Variants in ARFGEF1 observed in about 807,000 individuals in gnomAD.
ARFGEF1 encodes the protein ARF guanine nucleotide exchange factor 1, also known as brefeldin A-inhibited guanine nucleotide-exchange protein 1.
Under a neutral mutation model 231.0 loss-of-function variants are expected in ARFGEF1, and 42 were observed. That is an observed-to-expected ratio of 0.18 (90% CI 0.14 to 0.24). ARFGEF1 has a LOEUF of 0.24. Ranked by LOEUF, ARFGEF1 falls within the 10% of genes least tolerant of loss-of-function variation. The probability of loss-of-function intolerance (pLI) is 1.00; values close to 1 mark genes in which losing one functional copy is unlikely to be tolerated. For synonymous variants in ARFGEF1, 710 were observed against 732.3 expected (o/e 0.97, Z 0.49); for missense variants, 1,345 against 2,192.0 (o/e 0.61, Z 7.72).
chr8:67,337,045 C>T (rs977548277), intron 1 of ARFGEF1, among the ~76,000 whole-genome samples: 5 of 140,114 alleles, frequency 3.6e-5, no homozygotes, highest in Non-Finnish European at 1.5e-5. Context: ...AGGAGAATGG[C>T]GTGAACTCGG....
rs575798309 is a variant in ARFGEF1 at position 67,337,982 on chromosome 8, T to C, written c.124+5182A>G. 2.6e-5 allele frequency among the ~76,000 whole-genome samples: 4 copies of C among 152,334 alleles called. No homozygotes were observed. The South Asian group carries it at 8.3e-4, about 32-fold the overall frequency. Reference sequence around the variant, plus strand: ...CGGAATGGCAACAATAACTTACTCATGTATTTTTCCTTTTCAAATATCTTC... The same window carrying C: ...CGGAATGGCAACAATAACTTACTCACGTATTTTTCCTTTTCAAATATCTTC... On this transcript the variant is annotated intron_variant, in intron 1 of 38. Coordinates refer to ENST00000262215, the MANE Select transcript of ARFGEF1 (RefSeq NM_006421.5).
At chr8:67,175,470 C>G (rs751340189), downstream of ARFGEF1, 10 of 1,612,702 alleles carry the variant, frequency 6.2e-6, no homozygotes, top group South Asian at 9.9e-5. Flanking sequence ...CAAATAGTAT[C>G]AGCACGCTGT....
In ARFGEF1 at chr8:67,235,766, G is replaced by A. The variant is rs150132987; in HGVS notation, c.3289+2577C>T. On this transcript the variant is annotated intron_variant, in intron 22 of 38. Transcript: ENST00000262215. Reference sequence around the variant, plus strand: ...TGCAGTGACCTATGACCATGCCACTGCACTCCAGCCTCAACAACAGAGTGA... The same window carrying A: ...TGCAGTGACCTATGACCATGCCACTACACTCCAGCCTCAACAACAGAGTGA... 9.5e-4 allele frequency among the ~76,000 whole-genome samples: 144 copies of A among 152,162 alleles called. 3 individuals are homozygous for A. The East Asian group carries it at 0.014, about 15-fold the overall frequency.
chr8:67,179,867 G>T (rs1037426738), intron 5 of ARFGEF1: 8 of 1,593,222 alleles, frequency 5.0e-6, no homozygotes, highest in Non-Finnish European at 6.9e-6. Flanking sequence ...TTTTAGCCCA[G>T]AGATGACACT....
chr8:67,179,722 T>G, intron 5 of ARFGEF1: 1 of 589,384 alleles, frequency 1.7e-6, no homozygotes, highest in Non-Finnish European at 3.0e-6. Context: ...TTCTGAGCAT[T>G]GGAATGTAGT....
intron 1 of ARFGEF1, among the ~76,000 whole-genome samples, chr8:67,304,616 C>T (rs1459071126): frequency 6.6e-6 from 1 of 152,204 alleles, no homozygotes; most frequent in African/African-American, 2.4e-5. Context: ...CACTTGAGGT[C>T]AGGAATTTGA....
At chr8:67,260,106 T>A (rs1423641156) in intron 14 of ARFGEF1, among the ~76,000 whole-genome samples, 180 bp from the exon 15 acceptor site, 16 of 152,236 alleles carry the variant, frequency 1.1e-4, no homozygotes. Context: ...CTTTTCTTTT[T>A]AGAAATAAGT....
chr8:67,238,529 T>C (rs372891114), intron 21 of ARFGEF1, 36 bp from the exon 22 acceptor site: 36 of 1,569,382 alleles, frequency 2.3e-5, no homozygotes, highest in Non-Finnish European at 3.0e-5. Flanking sequence ...TTAAATTCCA[T>C]GTTAAAAATA....
intron 1 of ARFGEF1, among the ~76,000 whole-genome samples, chr8:67,321,569 T>C (rs1587315139): frequency 6.6e-6 from 1 of 152,156 alleles, no homozygotes; most frequent in South Asian, 2.1e-4. Context: ...CACGCTATTC[T>C]CCTGCCTCAG....
chr8:67,329,038 C>T (rs1807971957), intron 1 of ARFGEF1, among the ~76,000 whole-genome samples: 1 of 152,012 alleles, frequency 6.6e-6, no homozygotes, highest in Non-Finnish European at 1.5e-5. Context: ...CCAGCCTGGC[C>T]AACATGGTGA....
intron 5 of ARFGEF1, among the ~76,000 whole-genome samples, chr8:67,182,587 A>C (rs1833328978): frequency 6.6e-6 from 1 of 152,196 alleles, no homozygotes; most frequent in Non-Finnish European, 1.5e-5. Flanking sequence ...CAGCTGTACC[A>C]TTTTACATTC....
chr8:67,318,101 G>A (rs1053715115), intron 1 of ARFGEF1, among the ~76,000 whole-genome samples: 2 of 151,632 alleles, frequency 1.3e-5, no homozygotes, highest in African/African-American at 4.8e-5. Context: ...GCTGGGCGTG[G>A]TGGCGGGCGC....
At chr8:67,268,747 T>C (rs1286236770) in intron 10 of ARFGEF1, among the ~76,000 whole-genome samples, 1 of 152,224 alleles carries the variant, frequency 6.6e-6, no homozygotes, top group African/African-American at 2.4e-5. Context: ...AACATTATTT[T>C]TCTTTTACTT....
At chr8:67,274,568 C>T (rs1261830225) in intron 9 of ARFGEF1, among the ~76,000 whole-genome samples, 4 of 152,058 alleles carry the variant, frequency 2.6e-5, no homozygotes, top group Non-Finnish European at 5.9e-5. Flanking sequence ...AAAACCAGAT[C>T]ACTCTTTTTT....
intron 29 of ARFGEF1, among the ~76,000 whole-genome samples, chr8:67,220,633 A>G (rs1034236191): frequency 6.6e-6 from 1 of 152,176 alleles, no homozygotes; most frequent in African/African-American, 2.4e-5. Context: ...CCGGGAAAGA[A>G]AGTCTTCCAC....
intron 28 of ARFGEF1, 78 bp downstream of exon 28, chr8:67,225,945 C>T (rs901013672): frequency 5.8e-6 from 8 of 1,388,224 alleles, no homozygotes; most frequent in Non-Finnish European, 7.7e-6. Flanking sequence ...TTCATATACC[C>T]TCAATTCCCA....
chr8:67,173,566 A>T (rs1006878799), downstream of ARFGEF1: 2 of 152,196 alleles, frequency 1.3e-5, no homozygotes, highest in African/African-American at 2.4e-5. Flanking sequence ...ACAGAAAGAT[A>T]GTAAGAAGGA....
At chr8:67,300,416 G>A (rs371438803) in intron 3 of ARFGEF1, among the ~76,000 whole-genome samples, 6 of 152,124 alleles carry the variant, frequency 3.9e-5, no homozygotes, top group African/African-American at 1.4e-4. Context: ...TGTCAAACAG[G>A]GTAACAGAGT....
At position 67,336,044 on chromosome 8, in the gene ARFGEF1, C is replaced by T. The variant is rs541081407; in HGVS notation, c.124+7120G>A. On this transcript the variant is annotated intron_variant, in intron 1 of 38. Transcript: ENST00000262215. ...GATTACAGGCGTGAGCCACCGCGCC[C>T]GGCCATTTTAAAGATTTTCAAAGAC... Among the ~76,000 whole-genome samples, 13 of 152,276 alleles carry T rather than the reference C, an allele frequency of 8.5e-5. No homozygotes were observed. The East Asian group carries it at 2.1e-3, about 25-fold the overall frequency.
Sources: gnomAD v4.1 joint callset for allele counts (sites outside exome capture counted in the v4.1 genomes callset) on GRCh38, gnomAD v4.1.1 for gene constraint, MANE v1.5 for transcripts, NCBI Gene and HGNC (gene_info 2026-07-23, HGNC 2026-07-21) for gene names.